The following TMIE variants were observed in gnomAD, a reference collection of about 807,000 sequenced individuals.
The protein encoded by TMIE is transmembrane inner ear expressed protein.
TMIE carries 14 observed loss-of-function variants against 16.8 expected under a neutral mutation model. That is an observed-to-expected ratio of 0.83 (90% CI 0.55 to 1.30). The LOEUF (loss-of-function observed/expected upper bound fraction) is 1.30, where lower values mean the gene tolerates loss of function less well. Ranked by LOEUF, TMIE falls within the 50% of genes most tolerant of loss-of-function variation. The pLI is 0.00. For synonymous variants in TMIE, 75 were observed against 87.2 expected (o/e 0.86, Z 0.78); for missense variants, 204 against 205.9 (o/e 0.99, Z 0.06).
At chr3:46,701,303 G>T (rs1048507823), upstream of TMIE, 123 of 462,862 alleles carry the variant, frequency 2.7e-4, no homozygotes, top group East Asian at 3.7e-3. This position sits in a 1 kb window ranked among gnomAD's most constrained non-coding sequence, Gnocchi z 4.3. Flanking sequence ...AGGAGGGGGC[G>T]GGCCCTCCAC....
Position 46,705,875 on chromosome 3 carries a change from T to C in TMIE, c.179T>C (p.Val60Ala), listed in dbSNP as rs1341792536. Residue 60 changes from valine to alanine, a missense_variant, in exon 2 of 4, where the codon GTG (valine) becomes GCG (alanine). Transcript: ENST00000643606. The part of the protein sequence containing the change: ...VFWDMRLWHV[V>A]GIFSLFVLSI... ...TGGGACATGCGCCTGTGGCACGTGG[T>C]GGGCATCTTTTCGCTCTTCGTGTTG... is the stretch of plus-strand genomic sequence containing the variant. 1 of 1,614,138 alleles carries C rather than the reference T, an allele frequency of 6.2e-7. No individual in the cohort carries two copies. Among genetic ancestry groups the C allele is most frequent in the East Asian group, 2.2e-5 (1 of 44,882 alleles).
chr3:46,696,193 T>C (rs970111696), intron 1 of TMIE, among the ~76,000 whole-genome samples: 10 of 152,200 alleles, frequency 6.6e-5, no homozygotes, highest in Admixed American at 2.0e-4. Context: ...GGACTCCAAG[T>C]TGCACAACTC....
At chr3:46,699,168 G>A (rs1481216782), upstream of TMIE, among the ~76,000 whole-genome samples, 4 of 145,506 alleles carry the variant, frequency 2.7e-5, no homozygotes, top group African/African-American at 5.1e-5. Flanking sequence ...CGCCTCCCGA[G>A]TTCAAGCGAT....
intron 2 of TMIE, among the ~76,000 whole-genome samples, chr3:46,707,589 C>T (rs1270087928): frequency 6.6e-6 from 1 of 152,206 alleles, no homozygotes; most frequent in Non-Finnish European, 1.5e-5. Flanking sequence ...CCCTGGAGGT[C>T]TCCTCCAGCC....
chr3:46,709,132 C>G lies in TMIE; in HGVS notation c.218C>G (p.Thr73Arg). ...TGCTCTGTCCTCCCTACAGTCATCACGCTGTGCTGTGTCTTCAACTGTCGT... is the reference window on the plus strand; with the variant it reads ...TGCTCTGTCCTCCCTACAGTCATCAGGCTGTGCTGTGTCTTCAACTGTCGT... Reference protein sequence around the residue: ...FSLFVLSIIITLCCVFNCRVP... With the variant: ...FSLFVLSIIIRLCCVFNCRVP... Residue 73 changes from threonine to arginine, a missense_variant, in exon 3 of 4, where the codon ACG becomes AGG. Physicochemically the swap from Thr to Arg is moderately conservative, Grantham distance 71. Coordinates refer to ENST00000643606, the MANE Select transcript of TMIE (RefSeq NM_147196.3). 6.2e-7 allele frequency: 1 copy of G among 1,614,070 alleles called. No individual in the cohort carries two copies. Among genetic ancestry groups the G allele is most frequent in the Non-Finnish European group, 8.5e-7 (1 of 1,180,028 alleles).
upstream of TMIE, among the ~76,000 whole-genome samples, chr3:46,699,843 A>G (rs1370234007): frequency 1.3e-5 from 2 of 152,236 alleles, no homozygotes; most frequent in African/African-American, 4.8e-5. Flanking sequence ...CAGCACTCCC[A>G]TATTCATTAA....
At chr3:46,698,834 CTTTT>C (rs1233325151), upstream of TMIE, among the ~76,000 whole-genome samples, 1 of 151,596 alleles carries the variant, frequency 6.6e-6, no homozygotes, top group Admixed American at 6.6e-5. Flanking sequence ...CTTTTCTTTT[CTTTT>C]TTTATTTTTT....
At chr3:46,703,562 C>T (rs1016428861) in intron 1 of TMIE, among the ~76,000 whole-genome samples, 2 of 152,168 alleles carry the variant, frequency 1.3e-5, no homozygotes, top group Non-Finnish European at 2.9e-5. Context: ...ACACATGTTC[C>T]CCAACTTTAT....
At chr3:46,696,890 A>G (rs1019979657), upstream of TMIE, among the ~76,000 whole-genome samples, 5 of 152,142 alleles carry the variant, frequency 3.3e-5, no homozygotes, top group Non-Finnish European at 7.4e-5. Context: ...TGGAGTCCAG[A>G]GGTCCCCAAC....
Position 46,709,715 on chromosome 3 carries a change from G to A in TMIE, c.*27G>A, listed in dbSNP as rs750107252. The A allele has an allele frequency of 7.7e-5, 125 of 1,613,366 alleles. No homozygotes were observed. Among genetic ancestry groups the A allele is most frequent in the Middle Eastern group, 1.7e-4 (1 of 6,024 alleles). ...GACATCCTGGGCAGCTTGGGCTGGC[G>A]GGCCCTGGAGCTCAAGCCGTGGCCG... On this transcript the variant is annotated 3_prime_UTR_variant, in exon 4 of 4. Coordinates refer to ENST00000643606, the MANE Select transcript of TMIE (RefSeq NM_147196.3).
At chr3:46,708,523 G>A (rs1436438973) in intron 2 of TMIE, among the ~76,000 whole-genome samples, 2 of 152,264 alleles carry the variant, frequency 1.3e-5, no homozygotes, top group Non-Finnish European at 2.9e-5. Context: ...ACTGGCGTGG[G>A]TGCAGCTGCC....
upstream of TMIE, among the ~76,000 whole-genome samples, chr3:46,698,280 A>G (rs1004123602): frequency 3.9e-5 from 6 of 152,014 alleles, no homozygotes; most frequent in Non-Finnish European, 7.4e-5. Context: ...TCCTGACCTC[A>G]TGATCCGCCC....
chr3:46,706,878 C>T (rs939086001), intron 2 of TMIE, among the ~76,000 whole-genome samples: 3 of 152,198 alleles, frequency 2.0e-5, no homozygotes, highest in Non-Finnish European at 4.4e-5. Context: ...TTCGTCCCAG[C>T]CGGAGCTGTC....
upstream of TMIE, among the ~76,000 whole-genome samples, chr3:46,701,037 C>G (rs1039983726): frequency 4.6e-5 from 7 of 151,942 alleles, no homozygotes; most frequent in East Asian, 1.9e-4. The surrounding 1 kb of genome is among the most constrained non-coding windows in gnomAD (Gnocchi z 4.3). Flanking sequence ...CTCTGCCCCC[C>G]CCCCAAACTC....
intron 1 of TMIE, among the ~76,000 whole-genome samples, chr3:46,703,106 A>G (rs1039950377): frequency 7.9e-5 from 12 of 152,186 alleles, no homozygotes; most frequent in African/African-American, 2.4e-4. Flanking sequence ...CCCTCACGGA[A>G]GCACCAAAGA....
upstream of TMIE, among the ~76,000 whole-genome samples, chr3:46,699,583 A>G (rs1168318722): frequency 6.6e-6 from 1 of 152,200 alleles, no homozygotes; most frequent in African/African-American, 2.4e-5. Flanking sequence ...TACTAGAAAT[A>G]GTGTACTGTA....
At chr3:46,704,277 G>A (rs1700516093) in intron 1 of TMIE, among the ~76,000 whole-genome samples, 1 of 148,622 alleles carries the variant, frequency 6.7e-6, no homozygotes. Context: ...TAGACACCCA[G>A]GGCAGGACCA....
At position 46,701,543 on chromosome 3, in the gene TMIE, GGGTGTGCCTCGC is replaced by G. The variant is rs1700477069; in HGVS notation, c.59_70del (p.Val20_Ala23del). 2 of 1,296,530 alleles carry G rather than the reference GGGTGTGCCTCGC, an allele frequency of 1.5e-6. No homozygotes were observed. Among genetic ancestry groups the G allele is most frequent in the African/African-American group, 3.1e-5 (2 of 64,750 alleles). 80.3% of individuals were successfully genotyped at this position (1,296,530 alleles called of 1,614,324 possible). A position where few individuals can be genotyped will look rare whatever the true frequency, so the allele number is the denominator to read the frequency against. On this transcript the variant is annotated inframe_deletion, in exon 1 of 4. Coordinates refer to ENST00000643606, the MANE Select transcript of TMIE (RefSeq NM_147196.3). This position sits in a 1 kb window ranked among gnomAD's most constrained non-coding sequence, Gnocchi z 4.3. ...TGCGTGCTGGGCGGCGCCGCACTCG[GGGTGTGCCTCGC>G]GGGGGTTGCCGGGCAGCTGGTGGAG...
Position 46,705,765 on chromosome 3 carries a change from C to T in TMIE, c.94-25C>T, listed in dbSNP as rs7635402. ...CCAGCCAGCTGGCCTCTGCCTAACT[C>T]ACTCCCCTCTCTCCTGACCCACAGC... is the stretch of plus-strand genomic sequence containing the variant. On this transcript the variant is annotated intron_variant, in intron 1 of 3. Transcript: ENST00000643606. The T allele has an allele frequency of 0.06, 95,746 of 1,608,764 alleles. 4,182 individuals are homozygous for T. The highest frequency in any genetic ancestry group is 0.17 in the Admixed American group (10,321 of 59,990).
Sources: gnomAD v4.1 joint callset for allele counts (sites outside exome capture counted in the v4.1 genomes callset) on GRCh38, gnomAD v4.1.1 for gene constraint, Gnocchi (gnomAD v3.1) non-coding constraint, MANE v1.5 for transcripts, NCBI Gene and HGNC (gene_info 2026-07-23, HGNC 2026-07-21) for gene names.